Variants in PCDHGB1 observed in about 807,000 individuals in gnomAD.
PCDHGB1 encodes protocadherin gamma-B1.
In PCDHGB1, 34 loss-of-function variants were observed where a neutral mutation model predicts 56.6. The ratio of observed to expected loss-of-function variants is 0.60; its 90% CI spans 0.46 to 0.80. PCDHGB1 has a LOEUF of 0.80. PCDHGB1 is among the 30% of genes least tolerant of loss of function. The pLI is 0.00. For missense variants in PCDHGB1, 1,278 were observed against 1,204.6 expected, an observed-to-expected ratio of 1.06 and a Z score of -0.90; for synonymous variants, 561 against 505.9, an observed-to-expected ratio of 1.11 and a Z score of -1.46.
chr5:141,455,047 C>T (rs2098811276), intron 1 of PCDHGB1, among the ~76,000 whole-genome samples: 1 of 150,004 alleles, frequency 6.7e-6, no homozygotes, highest in African/African-American at 2.5e-5. Context: ...CTCCTGACCT[C>T]GTGATCCGCC....
rs2099748976 is a variant in PCDHGB1, at chr5:141,493,566, C to G, written c.2410-1241C>G. Among the ~76,000 whole-genome samples, 1 of 152,168 alleles carries G rather than the reference C, an allele frequency of 6.6e-6. No individual in the cohort carries two copies. Among genetic ancestry groups the G allele is most frequent in the African/African-American group, 2.4e-5 (1 of 41,436 alleles). ...TTTTGGAGATTGAGTTCCCCCAGCT[C>G]CGTTTCCTCCTATCACAATCACTGC... is the stretch of plus-strand genomic sequence containing the variant. On this transcript the variant is annotated intron_variant, in intron 1 of 3. Transcript: ENST00000523390. The surrounding 1 kb of genome is among the most constrained non-coding windows in gnomAD (Gnocchi z 4.3).
intron 1 of PCDHGB1, among the ~76,000 whole-genome samples, chr5:141,460,640 TGTTTACACATA>T (rs2098994223): frequency 6.6e-6 from 1 of 152,096 alleles, no homozygotes; most frequent in Admixed American, 6.6e-5. Flanking sequence ...TATATAACTG[TGTTTACACATA>T]TGTAACTGTA....
intron 1 of PCDHGB1, chr5:141,395,210 A>G (rs200048432): frequency 1.2e-6 from 2 of 1,613,418 alleles, no homozygotes; most frequent in East Asian, 2.2e-5. Context: ...ATTTTCATGA[A>G]TATAAGAATG....
intron 1 of PCDHGB1, chr5:141,478,480 G>T: frequency 2.5e-6 from 4 of 1,613,564 alleles, no homozygotes; most frequent in Non-Finnish European, 3.4e-6. Flanking sequence ...GCCAGAACAC[G>T]CTGCGGAGCT....
chr5:141,360,200 T>A lies in PCDHGB1; in HGVS notation c.2409+7531T>A, dbSNP rs1252813775. The A allele has an allele frequency of 2.5e-6, 4 of 1,612,720 alleles. No individual in the cohort carries two copies. The Admixed American group carries it at 6.7e-5, about 27-fold the overall frequency. ...CTGCAGGTACTGTTGCCCTTCCTGTTGTCTTTGTTCCCCGGGGCTCTCCCA... is the reference window on the plus strand; with the variant it reads ...CTGCAGGTACTGTTGCCCTTCCTGTAGTCTTTGTTCCCCGGGGCTCTCCCA... On this transcript the variant is annotated intron_variant, in intron 1 of 3. Transcript: ENST00000523390.
At position 141,413,207 on chromosome 5, in the gene PCDHGB1, C is replaced by T. The variant is rs563279284; in HGVS notation, c.2409+60538C>T. The T allele has an allele frequency of 4.7e-5, 76 of 1,612,874 alleles. 2 individuals carry two copies. The South Asian group carries it at 7.6e-4, about 16-fold the overall frequency. ...GCTCAAAGGAATCGCTCAAAGGAAT[C>T]AAAGGATTGCAGCGGGCTGGTCCTG... On this transcript the variant is annotated intron_variant, in intron 1 of 3. Coordinates refer to ENST00000523390, the MANE Select transcript of PCDHGB1 (RefSeq NM_018922.3).
At chr5:141,361,715 C>T (rs1299117104) in intron 1 of PCDHGB1, 19 of 1,613,280 alleles carry the variant, frequency 1.2e-5, no homozygotes, top group Non-Finnish European at 1.6e-5. Context: ...CAGCTGCGCG[C>T]CTTCGAGCTC....
rs36031641 is a variant in PCDHGB1 at position 141,434,771 on chromosome 5, T to TA, written c.2410-60023dup. ...CCCCTGATTCCCCACTTCACACTTCTAAAAAAAAAAAAATTTTTTTTTCTG... is the reference window on the plus strand; with the variant it reads ...CCCCTGATTCCCCACTTCACACTTCTAAAAAAAAAAAAAATTTTTTTTTCTG... On this transcript the variant is annotated intron_variant, in intron 1 of 3. Coordinates refer to ENST00000523390, the MANE Select transcript of PCDHGB1 (RefSeq NM_018922.3). Among the ~76,000 whole-genome samples, 71 of 145,288 alleles carry TA rather than the reference T, an allele frequency of 4.9e-4. 1 individual carries two copies. The highest frequency in any genetic ancestry group is 3.6e-3 in the Middle Eastern group (1 of 278).
intron 1 of PCDHGB1, chr5:141,418,610 C>T: frequency 6.2e-7 from 1 of 1,614,054 alleles, no homozygotes; most frequent in Non-Finnish European, 8.5e-7. Context: ...CAGGGTTAGC[C>T]TTCGGGAAGA....
intron 1 of PCDHGB1, chr5:141,370,892 G>C: frequency 6.2e-7 from 1 of 1,613,936 alleles, no homozygotes; most frequent in Non-Finnish European, 8.5e-7. Flanking sequence ...GTGTCAATTC[G>C]CTGCAGCAGT....
chr5:141,504,550 G>A (rs944574179), intron 2 of PCDHGB1, among the ~76,000 whole-genome samples: 2 of 151,586 alleles, frequency 1.3e-5, no homozygotes, highest in Non-Finnish European at 2.9e-5. Context: ...GCAAATGTTG[G>A]GGGACTGGCA....
At chr5:141,365,645 C>G in intron 1 of PCDHGB1, 1 of 1,613,572 alleles carries the variant, frequency 6.2e-7, no homozygotes, top group East Asian at 2.2e-5. Flanking sequence ...AAGCCACATC[C>G]CCTTGAAAGT....
chr5:141,352,712 G>C, intron 1 of PCDHGB1, 43 bp downstream of exon 1: 9 of 1,540,860 alleles, frequency 5.8e-6, no homozygotes, highest in Non-Finnish European at 7.9e-6. Context: ...TATGGCGGCC[G>C]GGCGCGGTGG....
rs1429603639 is a variant in PCDHGB1 at position 141,415,751 on chromosome 5, T to TTG, written c.2409+63083_2409+63084insGT. 7.1e-5 allele frequency: 95 copies of TTG among 1,328,716 alleles called. No homozygotes were observed. The African/African-American group carries it at 1.1e-3, about 15-fold the overall frequency. 82.3% of individuals were successfully genotyped at this position (1,328,716 alleles called of 1,614,324 possible). Reference sequence around the variant, plus strand: ...TGATGTTTATTAAGGTTTTTTTTTTTTTTTTTTTTTTTTTTTTTTTTACTT... The same window carrying TTG: ...TGATGTTTATTAAGGTTTTTTTTTTTTGTTTTTTTTTTTTTTTTTTTTTACTT... On this transcript the variant is annotated intron_variant, in intron 1 of 3. Coordinates refer to ENST00000523390, the MANE Select transcript of PCDHGB1 (RefSeq NM_018922.3).
chr5:141,487,591 C>T lies in PCDHGB1; in HGVS notation c.2410-7216C>T. 8 of 1,614,176 alleles carry T rather than the reference C, an allele frequency of 5.0e-6. No homozygotes were observed. The highest frequency in any genetic ancestry group is 6.8e-6 in the Non-Finnish European group (8 of 1,180,036). On this transcript the variant is annotated intron_variant, in intron 1 of 3. Coordinates refer to ENST00000523390, the MANE Select transcript of PCDHGB1 (RefSeq NM_018922.3). The surrounding 1 kb of genome is among the most constrained non-coding windows in gnomAD (Gnocchi z 5.0). ...AGCCTGTTCGCCCAAGCTGCCCACC[C>T]TCTGATCTTCTCTATGGGCTAGAGG...
chr5:141,449,932 A>T (rs1275797555), intron 1 of PCDHGB1, among the ~76,000 whole-genome samples: 6 of 151,660 alleles, frequency 4.0e-5, no homozygotes, highest in Non-Finnish European at 5.9e-5. Flanking sequence ...CATACCTTAT[A>T]GTATATTTTA....
At chr5:141,371,932 TG>T (rs1268806943) in intron 1 of PCDHGB1, 1 of 1,612,998 alleles carries the variant, frequency 6.2e-7, no homozygotes, top group South Asian at 1.1e-5. Context: ...CGGAGCGGGG[TG>T]GTGTTCGCGC....
At chr5:141,408,677 G>A (rs2095149334) in intron 1 of PCDHGB1, 1 of 1,613,898 alleles carries the variant, frequency 6.2e-7, no homozygotes. Flanking sequence ...CCCTGCCACG[G>A]ATCCTGATAT....
chr5:141,498,509 C>T (rs2099784058), intron 2 of PCDHGB1, among the ~76,000 whole-genome samples: 1 of 151,740 alleles, frequency 6.6e-6, no homozygotes, highest in East Asian at 1.9e-4. Flanking sequence ...TCCCTCCCCA[C>T]CATCTTGCCC....
Sources: gnomAD v4.1 joint callset for allele counts (sites outside exome capture counted in the v4.1 genomes callset) on GRCh38, gnomAD v4.1.1 for gene constraint, Gnocchi (gnomAD v3.1) non-coding constraint, MANE v1.5 for transcripts, NCBI Gene and HGNC (gene_info 2026-07-23, HGNC 2026-07-21) for gene names.